SORBS2: variants seen among roughly 807,000 people sequenced by gnomAD.
SORBS2 encodes sorbin and SH3 domain containing 2.
SORBS2 carries 46 observed loss-of-function variants against 97.7 expected under a neutral mutation model. That is an observed-to-expected ratio of 0.47 (90% CI 0.37 to 0.60). The LOEUF (loss-of-function observed/expected upper bound fraction) is 0.60. Among genes scored for constraint, SORBS2 ranks in the 20% least tolerant of loss-of-function variants. The probability of loss-of-function intolerance (pLI) is 0.00; values close to 1 mark genes in which losing one functional copy is unlikely to be tolerated. For synonymous variants in SORBS2, 476 were observed against 473.4 expected (o/e 1.01, Z -0.07); for missense variants, 1,316 against 1,282.3 (o/e 1.03, Z -0.40).
intron 4 of SORBS2, among the ~76,000 whole-genome samples, chr4:185,662,837 C>T (rs2097540970): frequency 6.6e-6 from 1 of 152,200 alleles, no homozygotes; most frequent in African/African-American, 2.4e-5. Context: ...ACTGGCTTCT[C>T]CCTACTTCAG....
At chr4:185,912,810 T>C (rs1375604124) in intron 1 of SORBS2, among the ~76,000 whole-genome samples, 1 of 152,152 alleles carries the variant, frequency 6.6e-6, no homozygotes, top group Non-Finnish European at 1.5e-5. Context: ...TGATCTGCTG[T>C]CTAAGCACCT....
At chr4:185,917,236 C>A (rs1197710587) in intron 1 of SORBS2, among the ~76,000 whole-genome samples, 3 of 152,108 alleles carry the variant, frequency 2.0e-5, no homozygotes, top group Admixed American at 2.0e-4. Context: ...GTATCCTTTT[C>A]ATTTCTTTGA....
At chr4:185,587,324 C>A in exon 15 of SORBS2, 1 of 246,512 alleles carries the variant, frequency 4.1e-6, no homozygotes, top group Non-Finnish European at 7.6e-6. Context: ...TTTTTTTTGC[C>A]TCAAATATTT....
chr4:185,801,256 A>C (rs1019901459), intron 1 of SORBS2, among the ~76,000 whole-genome samples: 11 of 152,200 alleles, frequency 7.2e-5, no homozygotes, highest in Non-Finnish European at 8.8e-5. Flanking sequence ...TATATACACC[A>C]CATTTTCTTT....
intron 4 of SORBS2, among the ~76,000 whole-genome samples, chr4:185,639,601 G>C (rs2097093919): frequency 6.6e-6 from 1 of 152,092 alleles, no homozygotes; most frequent in Non-Finnish European, 1.5e-5. Context: ...GTAAATCTAA[G>C]AGCTTAAAGT....
intron 2 of SORBS2, among the ~76,000 whole-genome samples, chr4:185,714,989 TG>T (rs1342330550): frequency 6.6e-6 from 1 of 152,234 alleles, no homozygotes; most frequent in Non-Finnish European, 1.5e-5. Context: ...AACTGTGTTT[TG>T]GGTTATAAGT....
Position 185,607,954 on chromosome 4 carries a change from G to A in SORBS2, c.2796+3826C>T, listed in dbSNP as rs988367052. 3.3e-5 allele frequency among the ~76,000 whole-genome samples: 5 copies of A among 152,156 alleles called. No individual in the cohort carries two copies. The highest frequency in any genetic ancestry group is 7.4e-5 in the Non-Finnish European group (5 of 68,026). Reference sequence around the variant, plus strand: ...GACCCACCCACCTCAGCCTCCCAAAGTGCTGGGGTTACAGGTGTGAGCCAC... The same window carrying A: ...GACCCACCCACCTCAGCCTCCCAAAATGCTGGGGTTACAGGTGTGAGCCAC... On this transcript the variant is annotated intron_variant, in intron 12 of 14. Coordinates refer to ENST00000418609, the Ensembl canonical transcript of SORBS2. This position sits in a 1 kb window ranked among gnomAD's most constrained non-coding sequence, Gnocchi z 5.2.
intron 12 of SORBS2, among the ~76,000 whole-genome samples, chr4:185,604,097 A>G (rs1326215229): frequency 6.6e-6 from 1 of 152,194 alleles, no homozygotes; most frequent in African/African-American, 2.4e-5. Flanking sequence ...AACTGAAAAC[A>G]ATCTCATCAT....
intron 4 of SORBS2, among the ~76,000 whole-genome samples, chr4:185,671,947 T>A (rs2097718410): frequency 6.6e-6 from 1 of 152,238 alleles, no homozygotes; most frequent in African/African-American, 2.4e-5. Flanking sequence ...GACTCCCAAG[T>A]ATTCTCTAAT....
intron 13 of SORBS2, among the ~76,000 whole-genome samples, chr4:185,590,841 A>T (rs1439908143): frequency 6.6e-6 from 1 of 152,312 alleles, no homozygotes; most frequent in Non-Finnish European, 1.5e-5. Context: ...TCATAATAGT[A>T]CTAAAATATT....
intron 1 of SORBS2, among the ~76,000 whole-genome samples, chr4:185,825,562 T>G (rs1389483253): frequency 2.0e-5 from 3 of 152,252 alleles, no homozygotes; most frequent in African/African-American, 7.2e-5. Flanking sequence ...AATGGTGATG[T>G]TCCCAGCATT....
intron 1 of SORBS2, among the ~76,000 whole-genome samples, chr4:185,856,417 T>C (rs1303803821): frequency 6.6e-6 from 1 of 152,186 alleles, no homozygotes; most frequent in African/African-American, 2.4e-5. Context: ...GCCTGGCATG[T>C]AGGAGACACA....
intron 1 of SORBS2, among the ~76,000 whole-genome samples, chr4:185,823,709 A>T (rs1465196197): frequency 6.6e-6 from 1 of 150,662 alleles, no homozygotes; most frequent in South Asian, 2.1e-4. Flanking sequence ...ACGAGACAGG[A>T]AAAAAAGTGT....
At chr4:185,731,602 ATCTC>A (rs1299503507) in intron 2 of SORBS2, among the ~76,000 whole-genome samples, 1 of 12,198 alleles carries the variant, frequency 8.2e-5, no homozygotes, top group Non-Finnish European at 1.5e-4. Flanking sequence ...CTCCCTGCCT[ATCTC>A]TCTCTCTCCC....
intron 1 of SORBS2, among the ~76,000 whole-genome samples, chr4:185,890,233 A>G (rs1042643414): frequency 6.6e-6 from 1 of 152,158 alleles, no homozygotes; most frequent in Non-Finnish European, 1.5e-5. Flanking sequence ...TTTTTTGTAT[A>G]AAATCCTTTT....
chr4:185,902,767 C>A (rs1331763470), intron 1 of SORBS2, among the ~76,000 whole-genome samples: 1 of 151,858 alleles, frequency 6.6e-6, no homozygotes, highest in Non-Finnish European at 1.5e-5. Context: ...GCTAAAGCTG[C>A]TAGAACATTT....
At chr4:185,681,944 A>G (rs1382550799) in intron 2 of SORBS2, among the ~76,000 whole-genome samples, 1 of 152,122 alleles carries the variant, frequency 6.6e-6, no homozygotes, top group Non-Finnish European at 1.5e-5. Context: ...TTTTTCTTGA[A>G]AATTATTATT....
At chr4:185,719,724 A>G (rs756808735) in intron 2 of SORBS2, among the ~76,000 whole-genome samples, 3 of 152,220 alleles carry the variant, frequency 2.0e-5, no homozygotes, top group Non-Finnish European at 4.4e-5. Flanking sequence ...TCTAATCTAC[A>G]TTTTGAAAAC....
intron 4 of SORBS2, among the ~76,000 whole-genome samples, chr4:185,634,191 T>C (rs994194312): frequency 6.6e-6 from 1 of 152,190 alleles, no homozygotes; most frequent in Non-Finnish European, 1.5e-5. Context: ...TACCACAGGG[T>C]AAATAATTTG....
Sources: allele counts gnomAD v4.1 joint callset (sites outside exome capture counted in the v4.1 genomes callset), GRCh38; gene constraint gnomAD v4.1.1; non-coding constraint Gnocchi (gnomAD v3.1); transcripts MANE v1.5; gene names NCBI Gene and HGNC (gene_info 2026-07-23, HGNC 2026-07-21).